DAB1: variants seen among roughly 807,000 people sequenced by gnomAD.
DAB1 encodes the protein DAB adaptor protein 1.
A neutral mutation model predicts 64.6 loss-of-function variants in DAB1; 15 were observed. The observed-to-expected ratio is 0.23, with a 90% confidence interval of 0.16 to 0.36. DAB1 has a LOEUF of 0.36. Ranked by LOEUF, DAB1 falls within the 10% of genes least tolerant of loss-of-function variation. DAB1 has a pLI of 1.00. For missense variants in DAB1, 596 were observed against 706.7 expected (o/e 0.84, Z 1.78); for synonymous variants, 235 against 251.9 (o/e 0.93, Z 0.64).
chr1:57,788,134 C>CAT (rs1361286754), intron 6 of DAB1, among the ~76,000 whole-genome samples: 1 of 152,024 alleles, frequency 6.6e-6, no homozygotes, highest in Non-Finnish European at 1.5e-5. Context: ...ATATGCTTAC[C>CAT]CAATAATCCA....
At chr1:58,393,729 A>G (rs1222746886) in intron 3 of DAB1, among the ~76,000 whole-genome samples, 1 of 152,206 alleles carries the variant, frequency 6.6e-6, no homozygotes, top group East Asian at 1.9e-4. Context: ...CAGGGGGGTA[A>G]ATGGGGAAAG....
chr1:57,408,184 T>G (rs1374283576), intron 1 of DAB1, among the ~76,000 whole-genome samples: 7 of 152,198 alleles, frequency 4.6e-5, no homozygotes, highest in Admixed American at 2.6e-4. Context: ...AGCTAGCACA[T>G]CGTGTTTCCA....
intron 5 of DAB1, among the ~76,000 whole-genome samples, chr1:57,918,705 T>A (rs898133361): frequency 6.6e-6 from 1 of 152,042 alleles, no homozygotes; most frequent in Non-Finnish European, 1.5e-5. Flanking sequence ...GCACCTGTAG[T>A]CCCAGCTACT....
chr1:58,382,358 G>A (rs1441643025), intron 3 of DAB1, among the ~76,000 whole-genome samples: 1 of 152,160 alleles, frequency 6.6e-6, no homozygotes, highest in Non-Finnish European at 1.5e-5. Context: ...CACAGCATAA[G>A]CTACAGTTGT....
At chr1:57,671,711 G>A (rs2101684636) in intron 6 of DAB1, among the ~76,000 whole-genome samples, 1 of 152,094 alleles carries the variant, frequency 6.6e-6, no homozygotes, top group East Asian at 1.9e-4. Context: ...GTCAAAGTCT[G>A]AAAAACAGTA....
chr1:57,376,400 G>A (rs1680900008), intron 1 of DAB1, among the ~76,000 whole-genome samples: 1 of 152,160 alleles, frequency 6.6e-6, no homozygotes, highest in African/African-American at 2.4e-5. Flanking sequence ...CAATCCTCAT[G>A]TAAGTAAAAA....
At chr1:57,921,588 T>G (rs576389255) in intron 5 of DAB1, among the ~76,000 whole-genome samples, 2 of 152,220 alleles carry the variant, frequency 1.3e-5, no homozygotes, top group Non-Finnish European at 2.9e-5. Flanking sequence ...AGATCCTGTC[T>G]GCTGTACTTT....
chr1:57,069,297 A>G (rs1651224405), intron 8 of DAB1, 63 bp downstream of exon 8: 1 of 1,325,690 alleles, frequency 7.5e-7, no homozygotes, highest in Non-Finnish European at 1.1e-6. Context: ...TCTTTAGACT[A>G]TCAGTACATT....
chr1:57,361,794 C>A (rs912250066), intron 1 of DAB1, among the ~76,000 whole-genome samples: 1 of 152,052 alleles, frequency 6.6e-6, no homozygotes, highest in Non-Finnish European at 1.5e-5. Flanking sequence ...ATCCGACCTG[C>A]AGAATTATTG....
chr1:58,399,351 C>T (rs902432455), intron 3 of DAB1, among the ~76,000 whole-genome samples: 3 of 152,224 alleles, frequency 2.0e-5, no homozygotes, highest in Non-Finnish European at 2.9e-5. Context: ...TGATGACTTG[C>T]TCAAGGTTAC....
intron 5 of DAB1, among the ~76,000 whole-genome samples, chr1:58,098,001 A>G (rs1019376352): frequency 5.3e-5 from 8 of 152,212 alleles, no homozygotes; most frequent in African/African-American, 1.9e-4. Flanking sequence ...GTATTTAGGA[A>G]AGAAAATGAA....
intron 5 of DAB1, among the ~76,000 whole-genome samples, chr1:58,041,759 G>A (rs1438200576): frequency 6.6e-6 from 1 of 152,202 alleles, no homozygotes; most frequent in East Asian, 1.9e-4. Flanking sequence ...GGCTTCCTGT[G>A]TGCTCTAGGC....
intron 3 of DAB1, among the ~76,000 whole-genome samples, chr1:58,401,050 T>A (rs946884707): frequency 6.6e-6 from 1 of 152,144 alleles, no homozygotes; most frequent in Non-Finnish European, 1.5e-5. Context: ...CTGGGGAAGT[T>A]ATATGCCCTG....
chr1:58,492,919 G>A (rs1645724224), intron 3 of DAB1, among the ~76,000 whole-genome samples: 2 of 152,132 alleles, frequency 1.3e-5, no homozygotes, highest in African/African-American at 4.8e-5. Context: ...CATTTTATGA[G>A]GCCAGCATCA....
intron 4 of DAB1, among the ~76,000 whole-genome samples, chr1:58,224,590 T>C (rs588183): frequency 0.31 from 47,234 of 151,942 alleles, 7,874 homozygotes; most frequent in East Asian, 0.46. Context: ...CCACGGGACA[T>C]GTTCTGAGCC....
At chr1:57,020,219 T>C (rs1646569299) in intron 11 of DAB1, among the ~76,000 whole-genome samples, 1 of 152,164 alleles carries the variant, frequency 6.6e-6, no homozygotes, top group African/African-American at 2.4e-5. Flanking sequence ...ATAGGAGAAA[T>C]TGCAACTCCA....
intron 5 of DAB1, among the ~76,000 whole-genome samples, chr1:57,915,913 AG>A (rs1447448771): frequency 6.6e-6 from 1 of 152,194 alleles, no homozygotes; most frequent in Non-Finnish European, 1.5e-5. Context: ...GTACTCTGTT[AG>A]GTCATCTCCA....
intron 7 of DAB1, among the ~76,000 whole-genome samples, chr1:57,464,061 A>G (rs910564405): frequency 3.3e-4 from 50 of 152,222 alleles, no homozygotes; most frequent in African/African-American, 1.2e-3. Flanking sequence ...TCGATCCTCA[A>G]TAAATGAATA....
chr1:57,186,974 A>G (rs1663629035), intron 2 of DAB1, among the ~76,000 whole-genome samples: 1 of 152,174 alleles, frequency 6.6e-6, no homozygotes, highest in Admixed American at 6.5e-5. Flanking sequence ...TATTTTGTCA[A>G]TTGACTGGAC....
Sources: allele counts gnomAD v4.1 joint callset (sites outside exome capture counted in the v4.1 genomes callset), GRCh38; gene constraint gnomAD v4.1.1; transcripts MANE v1.5; gene names NCBI Gene and HGNC (gene_info 2026-07-23, HGNC 2026-07-21).